PCDHGB5: variants seen among roughly 807,000 people sequenced by gnomAD.
The protein encoded by PCDHGB5 is protocadherin gamma-B5.
In PCDHGB5, 48 loss-of-function variants were observed where a neutral mutation model predicts 62.9. The observed-to-expected ratio is 0.76, with a 90% confidence interval of 0.61 to 0.97. PCDHGB5 has a LOEUF of 0.97. PCDHGB5 is among the 50% of genes least tolerant of loss of function. The pLI is 0.00. For synonymous variants in PCDHGB5, 474 were observed against 511.2 expected (o/e 0.93, Z 0.98); for missense variants, 1,118 against 1,198.6 (o/e 0.93, Z 0.99).
intron 1 of PCDHGB5, chr5:141,407,994 C>T (rs1449634415): frequency 1.0e-5 from 9 of 858,436 alleles, no homozygotes; most frequent in African/African-American, 1.7e-5. Flanking sequence ...CAGCCTCTGG[C>T]CTGGGATTCC....
chr5:141,442,561 G>C (rs2098332268), intron 1 of PCDHGB5: 1 of 152,198 alleles, frequency 6.6e-6, no homozygotes, highest in African/African-American at 2.4e-5. Context: ...ACTAAGTTCA[G>C]TCACAAGCAG....
At position 141,487,339 on chromosome 5, in the gene PCDHGB5, A is replaced by T; in HGVS notation, c.2398-7468A>T. On this transcript the variant is annotated intron_variant, in intron 1 of 3. Coordinates refer to ENST00000617380, the MANE Select transcript of PCDHGB5 (RefSeq NM_018925.3). The surrounding 1 kb of genome is among the most constrained non-coding windows in gnomAD (Gnocchi z 5.0). ...AGTGTCTTCGTGGGGCAGCCTGTGG[A>T]GTCACATGCTTTCCTGCTGGCACCT... The T allele has an allele frequency of 1.9e-6, 3 of 1,614,096 alleles. No individual in the cohort carries two copies. Among genetic ancestry groups the T allele is most frequent in the Non-Finnish European group, 2.5e-6 (3 of 1,180,000 alleles).
chr5:141,463,184 T>A (rs62379194), intron 1 of PCDHGB5, among the ~76,000 whole-genome samples: 5,135 of 152,236 alleles, frequency 0.034, 100 homozygotes, highest in Middle Eastern at 0.088. Context: ...CTCAGATTAT[T>A]ATTTAGCCAA....
Position 141,431,948 on chromosome 5 carries a change from T to G in PCDHGB5, c.2397+31424T>G. ...AAATCTGCCCTTTAAATTAGAAAAA[T>G]CTTACGGAAATTACTATAGTTTAGT... is the stretch of plus-strand genomic sequence containing the variant. On this transcript the variant is annotated intron_variant, in intron 1 of 3. Transcript: ENST00000617380. The surrounding 1 kb of genome is among the most constrained non-coding windows in gnomAD (Gnocchi z 4.8). The G allele has an allele frequency of 6.2e-7, 1 of 1,614,076 alleles. No homozygotes were observed. The highest frequency in any genetic ancestry group is 8.5e-7 in the Non-Finnish European group (1 of 1,180,006).
At chr5:141,510,358 C>T (rs186470331) in intron 3 of PCDHGB5, among the ~76,000 whole-genome samples, 187 of 144,062 alleles carry the variant, frequency 1.3e-3, no homozygotes, top group African/African-American at 4.6e-3. Context: ...ACTAACGGAA[C>T]TACCGAATCT....
chr5:141,502,694 G>A (rs1039264846), intron 2 of PCDHGB5, among the ~76,000 whole-genome samples: 5 of 152,180 alleles, frequency 3.3e-5, no homozygotes, highest in African/African-American at 1.2e-4. Flanking sequence ...ATCCTTGCCT[G>A]TATCTGTTTT....
Position 141,432,691 on chromosome 5 carries a change from G to T in PCDHGB5, c.2397+32167G>T. 1 of 1,613,942 alleles carries T rather than the reference G, an allele frequency of 6.2e-7. No individual in the cohort carries two copies. The highest frequency in any genetic ancestry group is 1.1e-5 in the South Asian group (1 of 91,068). On this transcript the variant is annotated intron_variant, in intron 1 of 3. Coordinates refer to ENST00000617380, the MANE Select transcript of PCDHGB5 (RefSeq NM_018925.3). This position sits in a 1 kb window ranked among gnomAD's most constrained non-coding sequence, Gnocchi z 6.0. ...ACGCGCTCAAGCAGAGCCTCGTAGT[G>T]GCCGTCCAGGACCACGGCCAGCCCC... is the stretch of plus-strand genomic sequence containing the variant.
chr5:141,474,486 C>G (rs531956129), intron 1 of PCDHGB5, among the ~76,000 whole-genome samples: 11 of 152,326 alleles, frequency 7.2e-5, no homozygotes, highest in African/African-American at 2.4e-4. Context: ...TAAATGTATT[C>G]TATCTTCTAA....
chr5:141,482,041 T>C (rs1443886481), intron 1 of PCDHGB5, among the ~76,000 whole-genome samples: 2 of 150,190 alleles, frequency 1.3e-5, no homozygotes, highest in Non-Finnish European at 2.9e-5. Context: ...GCCAAGATCA[T>C]GCTGTTGCAT....
intron 1 of PCDHGB5, among the ~76,000 whole-genome samples, chr5:141,461,231 T>C (rs1042368465): frequency 6.6e-5 from 10 of 152,068 alleles, no homozygotes; most frequent in African/African-American, 2.4e-4. Context: ...TCCATAGAGG[T>C]TGTACTAATT....
At chr5:141,423,750 T>TGG (rs144521096) in intron 1 of PCDHGB5, 9,462 of 287,056 alleles carry the variant, frequency 0.033, 140 homozygotes, top group African/African-American at 0.097. Flanking sequence ...GAAAACTGTT[T>TGG]GGGGGGGGGG....
intron 1 of PCDHGB5, among the ~76,000 whole-genome samples, chr5:141,460,653 GT>G (rs2098994590): frequency 6.6e-6 from 1 of 151,844 alleles, no homozygotes; most frequent in Admixed American, 6.6e-5. Context: ...TTACACATAT[GT>G]AACTGTAAAC....
At chr5:141,415,695 T>C (rs1284418994) in intron 1 of PCDHGB5, 1 of 1,537,350 alleles carries the variant, frequency 6.5e-7, no homozygotes, top group South Asian at 1.2e-5. Context: ...TGGTGGAAAG[T>C]GTAAATGCTA....
In PCDHGB5 at chr5:141,489,835, C is replaced by G; in HGVS notation, c.2398-4972C>G. On this transcript the variant is annotated intron_variant, in intron 1 of 3. Transcript: ENST00000617380. This position sits in a 1 kb window ranked among gnomAD's most constrained non-coding sequence, Gnocchi z 4.5. Reference sequence around the variant, plus strand: ...ATTCCCAGAGCTGGTGCTAGAGCAGCAGCTGGATCGTGAAGCCCAGGCAAG... The same window carrying G: ...ATTCCCAGAGCTGGTGCTAGAGCAGGAGCTGGATCGTGAAGCCCAGGCAAG... The G allele has an allele frequency of 6.2e-7, 1 of 1,614,164 alleles. No homozygotes were observed. Among genetic ancestry groups the G allele is most frequent in the Non-Finnish European group, 8.5e-7 (1 of 1,179,972 alleles).
At chr5:141,475,934 G>T in intron 1 of PCDHGB5, 1 of 665,236 alleles carries the variant, frequency 1.5e-6, no homozygotes, top group Non-Finnish European at 2.5e-6. Context: ...TCGGGCCCCT[G>T]CCCGTCCCCT....
At position 141,494,841 on chromosome 5, in the gene PCDHGB5, A is replaced by G. The variant is rs1163193977; in HGVS notation, c.2432A>G (p.Gln811Arg). ...APPNTDWRFS[Q>R]AQRPGTSGSQ... ...CCCAACACGGACTGGCGTTTCTCTC[A>G]GGCCCAGAGACCCGGCACCAGCGGG... The change falls in exon 2 of 4, where the codon CAG (glutamine) becomes CGG (arginine). Residue 811 changes from glutamine to arginine, a missense_variant. Gln to Arg is a conservative substitution (Grantham distance 43). Coordinates refer to ENST00000617380, the MANE Select transcript of PCDHGB5 (RefSeq NM_018925.3). 1 of 1,613,996 alleles carries G rather than the reference A, an allele frequency of 6.2e-7. No homozygotes were observed. The highest frequency in any genetic ancestry group is 1.1e-5 in the South Asian group (1 of 91,074).
At chr5:141,479,964 A>G (rs188553800) in intron 1 of PCDHGB5, among the ~76,000 whole-genome samples, 1 of 152,330 alleles carries the variant, frequency 6.6e-6, no homozygotes, top group East Asian at 1.9e-4. Context: ...AGTTAGTCAA[A>G]TGAGGTTCTA....
rs771867567 is a variant in PCDHGB5 at position 141,419,867 on chromosome 5, G to A, written c.2397+19343G>A. 3.1e-6 allele frequency: 5 copies of A among 1,614,086 alleles called. No homozygotes were observed. In the South Asian group the frequency reaches 5.5e-5, roughly 18 times the overall value. On this transcript the variant is annotated intron_variant, in intron 1 of 3. Transcript: ENST00000617380. Reference sequence around the variant, plus strand: ...CCTGGTGTTCGCAGATAGCTTGCAAGAGGTACTGCCGGATTTCAGCGACCA... The same window carrying A: ...CCTGGTGTTCGCAGATAGCTTGCAAAAGGTACTGCCGGATTTCAGCGACCA...
chr5:141,398,336 C>T lies in PCDHGB5; in HGVS notation c.209C>T (p.Ser70Leu), dbSNP rs2093641789. The T allele has an allele frequency of 7.3e-6, 10 of 1,363,224 alleles. No individual in the cohort carries two copies. In the East Asian group the frequency reaches 1.7e-4, roughly 24 times the overall value. 84.4% of individuals were successfully genotyped at this position (1,363,224 alleles called of 1,614,324 possible). Residue 70 changes from serine (S) to leucine (L), a missense_variant, in exon 1 of 4, where the codon TCG (serine) becomes TTG (leucine). Ser to Leu is a moderately radical substitution (Grantham distance 145, BLOSUM62 -2). Coordinates refer to ENST00000617380, the MANE Select transcript of PCDHGB5 (RefSeq NM_018925.3). ...CCGACTCGAAAACTGCGCGTCAGTT[C>T]GGAGAAGCCTTACTTCACCGTGAGC... ...ELPTRKLRVS[S>L]EKPYFTVSAE...
Sources: allele counts gnomAD v4.1 joint callset (sites outside exome capture counted in the v4.1 genomes callset), GRCh38; gene constraint gnomAD v4.1.1; non-coding constraint Gnocchi (gnomAD v3.1); transcripts MANE v1.5; gene names NCBI Gene and HGNC (gene_info 2026-07-23, HGNC 2026-07-21).